ANO3: variants seen among roughly 807,000 people sequenced by gnomAD.
The protein encoded by ANO3 is anoctamin 3.
Under a neutral mutation model 144.8 loss-of-function variants are expected in ANO3, and 99 were observed. The ratio of observed to expected loss-of-function variants is 0.68; its 90% confidence interval spans 0.58 to 0.81. The LOEUF is 0.81. ANO3 is among the 30% of genes least tolerant of loss of function. The pLI is 0.00. For synonymous variants in ANO3, 414 were observed against 392.6 expected (o/e 1.05, Z -0.64); for missense variants, 905 against 1,202.2 (o/e 0.75, Z 3.66).
chr11:26,315,678 TATCTATCC>T (rs1256064226), intron 1 of ANO3, among the ~76,000 whole-genome samples: 49 of 143,610 alleles, frequency 3.4e-4, no homozygotes, highest in African/African-American at 1.3e-3. Context: ...TCTATCTATC[TATCTATCC>T]ATCTATCTAT....
intron 26 of ANO3, among the ~76,000 whole-genome samples, chr11:26,659,492 G>A (rs1219237025): frequency 4.6e-5 from 7 of 151,898 alleles, no homozygotes; most frequent in African/African-American, 4.8e-5. Context: ...CCAGGAGCTC[G>A]AGGCCAGTCT....
chr11:26,468,297 A>G (rs768712694), intron 4 of ANO3, among the ~76,000 whole-genome samples: 17 of 151,970 alleles, frequency 1.1e-4, no homozygotes, highest in African/African-American at 2.2e-4. Flanking sequence ...ACGATGCCCA[A>G]ATTAACTACA....
At chr11:26,264,238 A>G (rs1305181616) in intron 1 of ANO3, among the ~76,000 whole-genome samples, 1 of 152,244 alleles carries the variant, frequency 6.6e-6, no homozygotes, top group East Asian at 1.9e-4. Flanking sequence ...GTAACCAGGA[A>G]ATCAATCTAT....
intron 1 of ANO3, among the ~76,000 whole-genome samples, chr11:26,276,789 C>T (rs1047657666): frequency 1.3e-5 from 2 of 152,066 alleles, no homozygotes; most frequent in African/African-American, 4.8e-5. Context: ...AAAATGATAT[C>T]CTTCACCTCT....
At chr11:26,338,539 C>G (rs2133896300) in intron 1 of ANO3, among the ~76,000 whole-genome samples, 1 of 152,314 alleles carries the variant, frequency 6.6e-6, no homozygotes, top group South Asian at 2.1e-4. Context: ...CAGCAACCCA[C>G]TGGGGTCCCC....
intron 14 of ANO3, among the ~76,000 whole-genome samples, chr11:26,594,280 G>A (rs1051006604): frequency 2.6e-5 from 4 of 152,156 alleles, no homozygotes; most frequent in Non-Finnish European, 5.9e-5. Flanking sequence ...GCTGGCCTGT[G>A]GGGAATCATT....
chr11:26,466,055 TGAAG>T (rs1859591858), intron 4 of ANO3, among the ~76,000 whole-genome samples: 1 of 151,964 alleles, frequency 6.6e-6, no homozygotes, highest in Non-Finnish European at 1.5e-5. Context: ...TCTACTATGA[TGAAG>T]GGACATTGAT....
chr11:26,300,855 C>CTTTTTTTTTTTT (rs376885670), intron 1 of ANO3, among the ~76,000 whole-genome samples: 3 of 129,060 alleles, frequency 2.3e-5, no homozygotes, highest in Non-Finnish European at 3.2e-5. Flanking sequence ...TCTTTTTTTT[C>CTTTTTTTTTTTT]TTTTTTTTTT....
intron 12 of ANO3, among the ~76,000 whole-genome samples, chr11:26,552,132 A>C (rs2134227317): frequency 6.6e-6 from 1 of 152,108 alleles, no homozygotes. Flanking sequence ...TTTTTACTGG[A>C]GATAATTGCC....
intron 14 of ANO3, chr11:26,562,999 GT>G: frequency 7.2e-7 from 1 of 1,390,846 alleles, no homozygotes; most frequent in South Asian, 1.6e-5. Flanking sequence ...TAAGTCTTTA[GT>G]TTGTTCATTC....
At position 26,599,556 on chromosome 11, in the gene ANO3, T is replaced by A; in HGVS notation, c.1678T>A (p.Leu560Met). 6.2e-7 allele frequency: 1 copy of A among 1,613,026 alleles called. No homozygotes were observed. Among genetic ancestry groups the A allele is most frequent in the Non-Finnish European group, 8.5e-7 (1 of 1,179,344 alleles). Residue 560 changes from leucine to methionine, a missense_variant, in exon 17 of 27, where the codon TTG (leucine) becomes ATG (methionine). Leu to Met is a conservative substitution (Grantham distance 15). This residue lies in a region of ANO3 where 597 missense variants were observed against 865.1 expected (regional missense o/e 0.69). Transcript: ENST00000256737. ...SVSGIFFMIS[L>M]VITAVFGVVV... is the part of the protein sequence containing the mutation. ...CTGGTGTCCAATATTGTAGATATCC[T>A]TGGTGATCACTGCAGTGTTTGGAGT...
Position 26,210,316 on chromosome 11 carries a change from G to A in ANO3, c.154+20986G>A, listed in dbSNP as rs1387121900. Among the ~76,000 whole-genome samples the A allele has an allele frequency of 2.0e-5, 3 of 152,086 alleles. 1 individual carries two copies. Among genetic ancestry groups the A allele is most frequent in the African/African-American group, 7.2e-5 (3 of 41,428 alleles). ...TGTAGATGTGTGACATTATTTCTGAGGCCTCTGTTCTGTTCCACTGGACTA... is the reference window on the plus strand; with the variant it reads ...TGTAGATGTGTGACATTATTTCTGAAGCCTCTGTTCTGTTCCACTGGACTA... On this transcript the variant is annotated intron_variant, in intron 1 of 27. Transcript: ENST00000672621.
chr11:26,467,248 A>G (rs1365114919), intron 4 of ANO3, among the ~76,000 whole-genome samples: 1 of 151,950 alleles, frequency 6.6e-6, no homozygotes, highest in Non-Finnish European at 1.5e-5. Flanking sequence ...TTACATTGGG[A>G]TAAATGAGGT....
intron 1 of ANO3, among the ~76,000 whole-genome samples, chr11:26,239,868 G>C (rs1204193427): frequency 1.3e-5 from 2 of 152,178 alleles, no homozygotes; most frequent in African/African-American, 2.4e-5. Context: ...TACTCTACTT[G>C]AGTTTTCAGT....
At chr11:26,247,797 C>T (rs1590214706) in intron 1 of ANO3, among the ~76,000 whole-genome samples, 2 of 132,820 alleles carry the variant, frequency 1.5e-5, no homozygotes, top group Non-Finnish European at 1.5e-5. Flanking sequence ...GGCGAGATCT[C>T]GGCTCACTGC....
At chr11:26,283,532 C>A (rs1426055093) in intron 1 of ANO3, among the ~76,000 whole-genome samples, 1 of 151,476 alleles carries the variant, frequency 6.6e-6, no homozygotes, top group African/African-American at 2.4e-5. Context: ...AAAAGTAGTT[C>A]ATAATCACGA....
intron 1 of ANO3, among the ~76,000 whole-genome samples, chr11:26,226,399 G>A (rs1342200780): frequency 6.6e-6 from 1 of 151,756 alleles, no homozygotes; most frequent in East Asian, 1.9e-4. Context: ...CATATTTTCT[G>A]TTAAAGATTA....
At chr11:26,292,924 A>G (rs899319052) in intron 1 of ANO3, among the ~76,000 whole-genome samples, 1 of 152,008 alleles carries the variant, frequency 6.6e-6, no homozygotes, top group African/African-American at 2.4e-5. Context: ...TCAGATCTCA[A>G]ACTCCGTGCT....
chr11:26,349,641 C>T (rs1315759274), intron 1 of ANO3, among the ~76,000 whole-genome samples: 3 of 152,170 alleles, frequency 2.0e-5, no homozygotes, highest in Non-Finnish European at 4.4e-5. Context: ...CTCCGCCTCC[C>T]GGGTTCACGC....
Sources: allele counts gnomAD v4.1 joint callset (sites outside exome capture counted in the v4.1 genomes callset), GRCh38; gene constraint gnomAD v4.1.1; regional missense constraint gnomAD v4.1.1; transcripts MANE v1.5; gene names NCBI Gene and HGNC (gene_info 2026-07-23, HGNC 2026-07-21).